Variants in SLC25A26 observed in about 807,000 individuals in gnomAD.
SLC25A26 encodes solute carrier family 25 member 26, also known as mitochondrial S-adenosylmethionine carrier protein.
SLC25A26 carries 36 observed loss-of-function variants against 37.8 expected under a neutral mutation model. The observed-to-expected ratio is 0.95, with a 90% CI of 0.73 to 1.26. The LOEUF (loss-of-function observed/expected upper bound fraction) is 1.26, where lower values mean the gene tolerates loss of function less well. Among genes scored for constraint, SLC25A26 ranks in the 50% most tolerant of loss-of-function variants. The pLI is 0.00. For missense variants in SLC25A26, 390 were observed against 331.1 expected, an observed-to-expected ratio of 1.18 and a Z score of -1.38; for synonymous variants, 129 against 122.5, an observed-to-expected ratio of 1.05 and a Z score of -0.35.
chr3:66,268,725 T>A (rs1192419850), intron 5 of SLC25A26, among the ~76,000 whole-genome samples: 3 of 152,214 alleles, frequency 2.0e-5, no homozygotes, highest in African/African-American at 7.2e-5. Context: ...CATCTTGAAT[T>A]GTAATCCCCA....
At chr3:66,296,680 A>G (rs1384064555) in intron 5 of SLC25A26, among the ~76,000 whole-genome samples, 1 of 152,234 alleles carries the variant, frequency 6.6e-6, no homozygotes, top group African/African-American at 2.4e-5. Context: ...TAACTTAATA[A>G]TTATTTAATC....
chr3:66,249,561 C>A (rs530289610), intron 3 of SLC25A26, among the ~76,000 whole-genome samples: 2 of 152,304 alleles, frequency 1.3e-5, no homozygotes, highest in South Asian at 4.1e-4. Context: ...TCTTCACTGG[C>A]CTTTTCTAAG....
At chr3:66,216,763 G>A (rs1338629804), upstream of SLC25A26, among the ~76,000 whole-genome samples, 1 of 84,552 alleles carries the variant, frequency 1.2e-5, no homozygotes, top group Non-Finnish European at 2.8e-5. Context: ...GAGAAAGACA[G>A]GATTATTATA....
intron 1 of SLC25A26, among the ~76,000 whole-genome samples, chr3:66,181,299 T>C (rs1410257141): frequency 6.6e-6 from 1 of 152,204 alleles, no homozygotes; most frequent in Non-Finnish European, 1.5e-5. Flanking sequence ...CTGGTTCAAA[T>C]CCCAGTTGAT....
intron 6 of SLC25A26, among the ~76,000 whole-genome samples, chr3:66,352,369 G>C (rs188030559): frequency 6.6e-6 from 1 of 151,576 alleles, no homozygotes; most frequent in Non-Finnish European, 1.5e-5. Context: ...CCACTCACCC[G>C]CTGTGCCCGG....
intron 7 of SLC25A26, among the ~76,000 whole-genome samples, chr3:66,369,025 C>CAAAAAAAAAAAA (rs1201555171): frequency 9.1e-5 from 3 of 32,926 alleles, no homozygotes; most frequent in Non-Finnish European, 1.1e-4. Context: ...CCTGTCTTTT[C>CAAAAAAAAAAAA]AAAAAAAAAA....
chr3:66,331,509 G>GT (rs2075973641), intron 5 of SLC25A26, among the ~76,000 whole-genome samples: 1 of 152,022 alleles, frequency 6.6e-6, no homozygotes, highest in South Asian at 2.1e-4. Context: ...ATGTGTGTGT[G>GT]TTTTTTAAAC....
chr3:66,337,793 G>A lies in SLC25A26; in HGVS notation c.454-8571G>A, dbSNP rs368821039. Reference sequence around the variant, plus strand: ...CAGAGTTTATAATATAATGAACCATGCAGTACCCATCACCAACCTGCAAAA... The same window carrying A: ...CAGAGTTTATAATATAATGAACCATACAGTACCCATCACCAACCTGCAAAA... On this transcript the variant is annotated intron_variant, in intron 5 of 9. Coordinates refer to ENST00000354883, the MANE Select transcript of SLC25A26 (RefSeq NM_001379210.1). Among the ~76,000 whole-genome samples, 64 of 152,050 alleles carry A rather than the reference G, an allele frequency of 4.2e-4. No individual in the cohort carries two copies. The South Asian group carries it at 0.013, about 31-fold the overall frequency.
chr3:66,252,760 A>G (rs376896411), intron 3 of SLC25A26, among the ~76,000 whole-genome samples: 9 of 152,356 alleles, frequency 5.9e-5, no homozygotes, highest in African/African-American at 2.2e-4. Context: ...ATTGAAATTC[A>G]AAGAAGTTTA....
intron 5 of SLC25A26, among the ~76,000 whole-genome samples, chr3:66,301,673 A>G (rs1464025158): frequency 6.6e-6 from 1 of 152,246 alleles, no homozygotes; most frequent in Non-Finnish European, 1.5e-5. Context: ...GCATTGTTTT[A>G]GTCTTTTCCT....
intron 1 of SLC25A26, among the ~76,000 whole-genome samples, chr3:66,233,416 A>G (rs2072124925): frequency 6.6e-6 from 1 of 152,096 alleles, no homozygotes; most frequent in Non-Finnish European, 1.5e-5. Context: ...TTCTAGTTAG[A>G]ACTTTTCGGT....
At chr3:66,146,797 A>G (rs958059143) in intron 1 of SLC25A26, among the ~76,000 whole-genome samples, 2 of 152,144 alleles carry the variant, frequency 1.3e-5, no homozygotes, top group African/African-American at 4.8e-5. Flanking sequence ...AGCAGTGTAC[A>G]TTGTACTCAC....
chr3:66,354,914 G>A (rs558577726), intron 6 of SLC25A26, among the ~76,000 whole-genome samples: 1 of 152,242 alleles, frequency 6.6e-6, no homozygotes, highest in Admixed American at 6.5e-5. Context: ...TGCCATAATT[G>A]TGAGGCCTCC....
intron 5 of SLC25A26, among the ~76,000 whole-genome samples, chr3:66,275,158 A>G (rs1178823526): frequency 1.3e-5 from 2 of 149,862 alleles, no homozygotes; most frequent in African/African-American, 4.9e-5. Context: ...AGGACAAAAA[A>G]CCAAACACGG....
At chr3:66,242,117 G>C (rs913861242) in intron 2 of SLC25A26, among the ~76,000 whole-genome samples, 3 of 152,168 alleles carry the variant, frequency 2.0e-5, no homozygotes, top group African/African-American at 7.2e-5. Context: ...TACAAAAGAA[G>C]CCATAAAGTC....
At chr3:66,162,278 C>T (rs574026366) in intron 1 of SLC25A26, among the ~76,000 whole-genome samples, 1 of 151,864 alleles carries the variant, frequency 6.6e-6, no homozygotes, top group African/African-American at 2.4e-5. Flanking sequence ...CTTTAAAGGC[C>T]CCGTCTCCAA....
chr3:66,351,118 T>A (rs539106347), intron 6 of SLC25A26, among the ~76,000 whole-genome samples: 1 of 152,182 alleles, frequency 6.6e-6, no homozygotes, highest in East Asian at 1.9e-4. Context: ...GTCACAAGAA[T>A]GCAAAGATGA....
At chr3:66,148,032 T>C (rs113133694) in intron 1 of SLC25A26, among the ~76,000 whole-genome samples, 51,365 of 152,092 alleles carry the variant, frequency 0.34, 8,884 homozygotes, top group African/African-American at 0.4. Context: ...GTTGGGATTA[T>C]AGGCGTGAGC....
intron 1 of SLC25A26, among the ~76,000 whole-genome samples, chr3:66,222,315 G>A (rs1553658850): frequency 6.6e-6 from 1 of 151,924 alleles, no homozygotes. Flanking sequence ...CGAGTAGCTG[G>A]GACTGCAGGT....
Sources: gnomAD v4.1 joint callset for allele counts (sites outside exome capture counted in the v4.1 genomes callset) on GRCh38, gnomAD v4.1.1 for gene constraint, MANE v1.5 for transcripts, NCBI Gene and HGNC (gene_info 2026-07-23, HGNC 2026-07-21) for gene names.